N4BP2L2: variants seen among roughly 807,000 people sequenced by gnomAD.
N4BP2L2 encodes NEDD4-binding protein 2-like 2.
N4BP2L2 carries 50 observed loss-of-function variants against 56.2 expected under a neutral mutation model. That is an observed-to-expected ratio of 0.89 (90% CI 0.71 to 1.13). The LOEUF is 1.13. N4BP2L2 is among the 50% of genes most tolerant of loss of function. The probability of loss-of-function intolerance (pLI) is 0.00; values close to 1 mark genes in which losing one functional copy is unlikely to be tolerated. For missense variants in N4BP2L2, 689 were observed against 693.8 expected (o/e 0.99, Z 0.08); for synonymous variants, 203 against 223.6 (o/e 0.91, Z 0.82).
chr13:32,465,789 G>A (rs1349239923), intron 6 of N4BP2L2, among the ~76,000 whole-genome samples: 3 of 152,146 alleles, frequency 2.0e-5, no homozygotes, highest in Non-Finnish European at 2.9e-5. Flanking sequence ...GAGTAGCTGG[G>A]ATTATAGGTG....
chr13:32,470,567 T>C (rs556040057), intron 6 of N4BP2L2, among the ~76,000 whole-genome samples: 54 of 152,300 alleles, frequency 3.5e-4, no homozygotes, highest in Non-Finnish European at 6.2e-4. Context: ...GTCCCAACTA[T>C]GGAAGGGAGC....
intron 6 of N4BP2L2, among the ~76,000 whole-genome samples, chr13:32,504,143 G>C (rs1248040162): frequency 2.0e-5 from 3 of 152,172 alleles, no homozygotes; most frequent in African/African-American, 7.2e-5. Context: ...CACTGATTAA[G>C]GCAAATGCCC....
At chr13:32,500,532 A>C (rs1862723500) in intron 6 of N4BP2L2, among the ~76,000 whole-genome samples, 1 of 139,962 alleles carries the variant, frequency 7.1e-6, no homozygotes, top group Non-Finnish European at 1.5e-5. Flanking sequence ...TAGCCTGTAG[A>C]GATCCTGTCT....
intron 6 of N4BP2L2, among the ~76,000 whole-genome samples, chr13:32,445,747 A>G (rs550341139): frequency 1.3e-5 from 2 of 152,370 alleles, no homozygotes; most frequent in Non-Finnish European, 2.9e-5. Flanking sequence ...TGCAATGCCC[A>G]GTGAAAAATT....
At chr13:32,535,003 A>G (rs766710695) in intron 2 of N4BP2L2, among the ~76,000 whole-genome samples, 1 of 152,212 alleles carries the variant, frequency 6.6e-6, no homozygotes, top group Non-Finnish European at 1.5e-5. Context: ...ACCAATTCAG[A>G]TATTACTCAC....
intron 7 of N4BP2L2, chr13:32,442,320 A>G: frequency 1.5e-6 from 2 of 1,333,838 alleles, no homozygotes; most frequent in East Asian, 5.0e-5. Context: ...ACCAGGTAGA[A>G]ACACCTCCAG....
At chr13:32,509,588 T>A (rs1057418264), downstream of N4BP2L2, among the ~76,000 whole-genome samples, 1 of 152,192 alleles carries the variant, frequency 6.6e-6, no homozygotes, top group Non-Finnish European at 1.5e-5. Flanking sequence ...CTGGTTTTAA[T>A]TTTCAAAATG....
chr13:32,450,623 T>C, intron 6 of N4BP2L2, among the ~76,000 whole-genome samples: 1 of 86,300 alleles, frequency 1.2e-5, no homozygotes, highest in Admixed American at 1.2e-4. Flanking sequence ...TGCGCCCGGC[T>C]TTTTTTGTTT....
chr13:32,466,798 C>T (rs1189387709), intron 6 of N4BP2L2, among the ~76,000 whole-genome samples: 10 of 152,174 alleles, frequency 6.6e-5, no homozygotes, highest in Non-Finnish European at 4.4e-5. Context: ...CATAGATATC[C>T]ATTTTATTAT....
At chr13:32,471,192 G>A (rs2082226628) in intron 6 of N4BP2L2, among the ~76,000 whole-genome samples, 1 of 152,140 alleles carries the variant, frequency 6.6e-6, no homozygotes, top group Admixed American at 6.5e-5. Flanking sequence ...CCAAACCTGT[G>A]TATCAGGCCT....
Position 32,487,653 on chromosome 13 carries a change from C to G in N4BP2L2, c.365+30204G>C, listed in dbSNP as rs543290046. On this transcript the variant is annotated intron_variant, in intron 6 of 9. Transcript: ENST00000357505. Reference sequence around the variant, plus strand: ...CGCCACTGCACTCCAGCCTGGGCAACAGAACGCGACTCCATCTCAAAAAAG... The same window carrying G: ...CGCCACTGCACTCCAGCCTGGGCAAGAGAACGCGACTCCATCTCAAAAAAG... Among the ~76,000 whole-genome samples the G allele has an allele frequency of 5.3e-5, 8 of 152,004 alleles. No homozygotes were observed. The East Asian group carries it at 1.4e-3, about 26-fold the overall frequency.
At chr13:32,514,354 T>C (rs2048745718) in exon 6 of N4BP2L2, 1 of 152,138 alleles carries the variant, frequency 6.6e-6, no homozygotes, top group Admixed American at 6.5e-5. Flanking sequence ...GCACTAAACC[T>C]ATGGAACAAA....
At chr13:32,536,428 C>T (rs2056573248) in exon 2 of N4BP2L2, 1 of 1,613,710 alleles carries the variant, frequency 6.2e-7, no homozygotes, top group African/African-American at 1.3e-5. Flanking sequence ...CAAATTGTTC[C>T]TGAGAAGGTT....
At chr13:32,462,529 T>A (rs1326313340) in intron 6 of N4BP2L2, among the ~76,000 whole-genome samples, 2 of 152,046 alleles carry the variant, frequency 1.3e-5, no homozygotes, top group African/African-American at 4.8e-5. Flanking sequence ...ATAGGAGGAA[T>A]AAGTTTCAAT....
chr13:32,527,412 G>A lies in N4BP2L2; in HGVS notation c.1380C>T (p.Asn460=), dbSNP rs374984923. The A allele has an allele frequency of 1.2e-5, 20 of 1,613,678 alleles. No homozygotes were observed. The African/African-American group carries it at 1.6e-4, about 13-fold the overall frequency. ...GACACTTAGCCCAAAACAAACCTCT[G>A]TTCTGGTTCCAGTCATGGGCATCAC... The change falls in exon 3 of 6, where the codon AAC becomes AAT. Residue 460 remains asparagine, a synonymous_variant. Transcript: ENST00000267068.
chr13:32,485,747 C>G (rs2085720592), intron 6 of N4BP2L2, among the ~76,000 whole-genome samples: 1 of 152,092 alleles, frequency 6.6e-6, no homozygotes, highest in Non-Finnish European at 1.5e-5. Flanking sequence ...TCTGTCATGA[C>G]AGAAATCCTT....
chr13:32,503,920 CAGG>C (rs2090471388), intron 6 of N4BP2L2, among the ~76,000 whole-genome samples: 1 of 152,140 alleles, frequency 6.6e-6, no homozygotes, highest in Non-Finnish European at 1.5e-5. Context: ...TGCTTGAGCC[CAGG>C]AGTTCAAGGT....
chr13:32,441,012 G>A lies in N4BP2L2; in HGVS notation c.2104+1376C>T, dbSNP rs140342184. On this transcript the variant is annotated intron_variant, in intron 7 of 9. Transcript: ENST00000357505. ...TAGGATTACAGGCACACGCCACCAC[G>A]CCCGGCTAATTTTTGTATTTTTAGT... Among the ~76,000 whole-genome samples, 910 of 151,172 alleles carry A rather than the reference G, an allele frequency of 6.0e-3. 13 individuals carry two copies. Among genetic ancestry groups the A allele is most frequent in the African/African-American group, 0.021 (868 of 41,130 alleles).
chr13:32,463,918 C>CAAAAAAAAAAAAAAA (rs58685358), intron 6 of N4BP2L2, among the ~76,000 whole-genome samples: 4 of 64,164 alleles, frequency 6.2e-5, no homozygotes, highest in African/African-American at 2.4e-4. Flanking sequence ...TGCCCATGAC[C>CAAAAAAAAAAAAAAA]AAAAAAAAAA....
Sources: allele counts gnomAD v4.1 joint callset (sites outside exome capture counted in the v4.1 genomes callset), GRCh38; gene constraint gnomAD v4.1.1; transcripts MANE v1.5; gene names NCBI Gene and HGNC (gene_info 2026-07-23, HGNC 2026-07-21).